The following LAMA3 variants were observed in gnomAD, a reference collection of about 807,000 sequenced individuals.
LAMA3 encodes laminin subunit alpha 3.
In LAMA3, 281 loss-of-function variants were observed where a neutral mutation model predicts 402.0. The ratio of observed to expected loss-of-function variants is 0.70; its 90% CI spans 0.63 to 0.77. LAMA3 has a LOEUF of 0.77. LAMA3 is among the 30% of genes least tolerant of loss of function. The pLI, the probability that LAMA3 is intolerant of heterozygous loss-of-function variation, is 0.00. For missense variants in LAMA3, 3,840 were observed against 4,215.5 expected (o/e 0.91, Z 2.47); for synonymous variants, 1,431 against 1,558.4 (o/e 0.92, Z 1.93).
intron 42 of LAMA3, 96 bp downstream of exon 42, chr18:23,890,213 A>G (rs2080611324): frequency 2.0e-5 from 16 of 812,926 alleles, no homozygotes; most frequent in Middle Eastern, 2.3e-4. Flanking sequence ...GATGCATAAT[A>G]CACAATTCCA....
intron 27 of LAMA3, 66 bp from the exon 28 acceptor site, chr18:23,842,329 C>G: frequency 6.4e-7 from 1 of 1,573,542 alleles, no homozygotes; most frequent in Non-Finnish European, 8.7e-7. Context: ...CTCTATGATT[C>G]CAGTTATTCA....
chr18:23,848,218 G>C (rs950323578), intron 32 of LAMA3, among the ~76,000 whole-genome samples: 1 of 152,192 alleles, frequency 6.6e-6, no homozygotes, highest in African/African-American at 2.4e-5. Context: ...GGGTGAACAG[G>C]AGACAGGCTG....
intron 2 of LAMA3, among the ~76,000 whole-genome samples, chr18:23,738,188 G>A (rs1180231082): frequency 2.6e-5 from 4 of 152,066 alleles, no homozygotes; most frequent in Non-Finnish European, 5.9e-5. Flanking sequence ...GTGGATGTGT[G>A]GGGAGAAGAG....
In LAMA3 at chr18:23,708,104, G is replaced by A. The variant is rs547844678; in HGVS notation, c.295-5816G>A. ...AAGTTGAATTGCATTTGCGACTTGA[G>A]TAGAACTCTGATTTTATTATTTCCC... On this transcript the variant is annotated intron_variant, in intron 1 of 74. Coordinates refer to ENST00000313654, the MANE Select transcript of LAMA3 (RefSeq NM_198129.4). Among the ~76,000 whole-genome samples the A allele has an allele frequency of 4.6e-5, 7 of 152,216 alleles. No homozygotes were observed. In the South Asian group the frequency reaches 1.0e-3, roughly 23 times the overall value.
At chr18:23,802,372 A>G (rs1193288151) in intron 12 of LAMA3, among the ~76,000 whole-genome samples, 1 of 152,170 alleles carries the variant, frequency 6.6e-6, no homozygotes, top group Non-Finnish European at 1.5e-5. Context: ...ACAAATCTTC[A>G]TTCTTGAAGG....
chr18:23,754,135 G>C (rs1330561884), intron 6 of LAMA3, among the ~76,000 whole-genome samples: 1 of 152,030 alleles, frequency 6.6e-6, no homozygotes, highest in Non-Finnish European at 1.5e-5. Context: ...TGTCATTCCT[G>C]GTTTAATGGG....
At position 23,894,781 on chromosome 18, in the gene LAMA3, C is replaced by T. The variant is rs150720960; in HGVS notation, c.5462-126C>T. Reference sequence around the variant, plus strand: ...AATCCACATCCATCCCTGAGAAGGCCAGGGCTGTGGTTGTCACCCGTGACG... The same window carrying T: ...AATCCACATCCATCCCTGAGAAGGCTAGGGCTGTGGTTGTCACCCGTGACG... On this transcript the variant is annotated intron_variant, in intron 43 of 74. Coordinates refer to ENST00000313654, the MANE Select transcript of LAMA3 (RefSeq NM_198129.4). 14 of 1,182,268 alleles carry T rather than the reference C, an allele frequency of 1.2e-5. No homozygotes were observed. The East Asian group carries it at 3.4e-4, about 28-fold the overall frequency. The allele number at this position is 1,182,268 out of a possible 1,614,324, so 73.2% of individuals were successfully genotyped here.
rs1197570245 is a variant in LAMA3 at position 23,868,020 on chromosome 18, C to T, written c.4767+103C>T. On this transcript the variant is annotated intron_variant, in intron 37 of 74. Coordinates refer to ENST00000313654, the MANE Select transcript of LAMA3 (RefSeq NM_198129.4). ...TTTTAAGAATTGTAAAATATGGATT[C>T]TATTTATATAAATATGTTTATATAT... 2.2e-5 allele frequency: 20 copies of T among 913,014 alleles called. No homozygotes were observed. In the Admixed American group the frequency reaches 2.3e-4, roughly 10 times the overall value. The allele number at this position is 913,014 out of a possible 1,614,324, so 56.6% of individuals were successfully genotyped here. A position where few individuals can be genotyped will look rare whatever the true frequency, so the allele number is the denominator to read the frequency against.
intron 36 of LAMA3, among the ~76,000 whole-genome samples, chr18:23,867,061 G>C (rs1242172971): frequency 7.2e-5 from 11 of 152,284 alleles, no homozygotes; most frequent in Admixed American, 2.0e-4. Flanking sequence ...GAGCGAGTGA[G>C]GCTGGGTCCC....
chr18:23,947,390 C>T (rs919370369), intron 70 of LAMA3, among the ~76,000 whole-genome samples: 2 of 152,184 alleles, frequency 1.3e-5, no homozygotes, highest in Non-Finnish European at 2.9e-5. Flanking sequence ...CCCTTTTCCT[C>T]CAGACCCAGT....
Position 23,912,908 on chromosome 18 carries a change from G to C in LAMA3, c.7329+27G>C, listed in dbSNP as rs771558053. 5.0e-6 allele frequency: 8 copies of C among 1,601,680 alleles called. No homozygotes were observed. The East Asian group carries it at 1.6e-4, about 31-fold the overall frequency. ...TAAGTATTGCTTGGACATCTCTCTT[G>C]TTTTTGAAACAATGTTTTTCGAGAG... On this transcript the variant is annotated intron_variant, in intron 56 of 74. Coordinates refer to ENST00000313654, the MANE Select transcript of LAMA3 (RefSeq NM_198129.4).
chr18:23,846,150 T>G (rs1281339071), intron 30 of LAMA3, 147 bp from the exon 31 acceptor site: 4 of 827,492 alleles, frequency 4.8e-6, no homozygotes, highest in East Asian at 2.4e-5. Flanking sequence ...GAGTCTGAGG[T>G]GGGGTATTTC....
intron 1 of LAMA3, among the ~76,000 whole-genome samples, chr18:23,696,669 T>A (rs548071670): frequency 6.2e-4 from 94 of 152,220 alleles, no homozygotes; most frequent in African/African-American, 2.1e-3. Context: ...CCCGGCTAAT[T>A]TTTGTATTTT....
chr18:23,939,411 G>C (rs1173065105), intron 68 of LAMA3, 25 bp downstream of exon 68: 2 of 1,612,432 alleles, frequency 1.2e-6, no homozygotes, highest in African/African-American at 2.7e-5. Flanking sequence ...TCCTGCCCCA[G>C]CACCAGCTCA....
At chr18:23,747,168 C>A (rs371201767) in intron 2 of LAMA3, among the ~76,000 whole-genome samples, 1 of 152,028 alleles carries the variant, frequency 6.6e-6, no homozygotes, top group African/African-American at 2.4e-5. Context: ...TGTTCAATGT[C>A]GTACCAGGCT....
Position 23,873,154 on chromosome 18 carries a change from T to G in LAMA3, c.4998+1493T>G, listed in dbSNP as rs138914132. On this transcript the variant is annotated intron_variant, in intron 38 of 74. Transcript: ENST00000313654. The stretch of plus-strand genomic sequence containing the variant: ...AGTTCACAGCAGCAAAGGGTGCCAT[T>G]TCTTCAGCCTCCCGGTCAAAGTCAA... 2.9e-3 allele frequency: 4,607 copies of G among 1,614,224 alleles called. 84 individuals carry two copies. In the East Asian group the frequency reaches 0.033, roughly 12 times the overall value.
chr18:23,867,956 T>A (rs751965550), intron 37 of LAMA3, 39 bp downstream of exon 37: 27 of 1,448,198 alleles, frequency 1.9e-5, no homozygotes, highest in Non-Finnish European at 2.6e-5. Flanking sequence ...CTTTCTGTTT[T>A]GTGACTTAAT....
intron 12 of LAMA3, among the ~76,000 whole-genome samples, chr18:23,803,198 C>T (rs554792025): frequency 6.6e-6 from 1 of 152,302 alleles, no homozygotes; most frequent in East Asian, 1.9e-4. Context: ...AAGAACAAAA[C>T]ACTTCCCCTT....
At chr18:23,723,204 A>T (rs1016300397) in intron 2 of LAMA3, among the ~76,000 whole-genome samples, 6 of 152,186 alleles carry the variant, frequency 3.9e-5, no homozygotes, top group African/African-American at 1.4e-4. Context: ...CATTAAAAAA[A>T]TTTCTATCTT....
Sources: gnomAD v4.1 joint callset for allele counts (sites outside exome capture counted in the v4.1 genomes callset) on GRCh38, gnomAD v4.1.1 for gene constraint, MANE v1.5 for transcripts, NCBI Gene and HGNC (gene_info 2026-07-23, HGNC 2026-07-21) for gene names.